The following CDH2 variants were observed in gnomAD, a reference collection of about 807,000 sequenced individuals.
CDH2 encodes cadherin-2.
In CDH2, 17 loss-of-function variants were observed where a neutral mutation model predicts 92.0. The ratio of observed to expected loss-of-function variants is 0.18; its 90% CI spans 0.13 to 0.28. The LOEUF (loss-of-function observed/expected upper bound fraction) is 0.28, where lower values mean the gene tolerates loss of function less well. CDH2 is among the 10% of genes least tolerant of loss of function. The probability of loss-of-function intolerance (pLI) is 1.00; values close to 1 mark genes in which losing one functional copy is unlikely to be tolerated. For synonymous variants in CDH2, 419 were observed against 415.9 expected (o/e 1.01, Z -0.09); for missense variants, 862 against 1,133.1 (o/e 0.76, Z 3.44).
intron 2 of CDH2, among the ~76,000 whole-genome samples, chr18:28,144,322 C>T (rs2016001346): frequency 6.6e-6 from 1 of 151,664 alleles, no homozygotes; most frequent in African/African-American, 2.4e-5. Context: ...AAAATTGATC[C>T]TAATTTATAA....
chr18:28,060,145 TAA>T (rs1396051306), intron 2 of CDH2, among the ~76,000 whole-genome samples: 3 of 151,644 alleles, frequency 2.0e-5, no homozygotes, highest in African/African-American at 7.3e-5. Flanking sequence ...ACTATTTCAA[TAA>T]GAGATGCAAA....
At chr18:27,963,611 A>G in intron 14 of CDH2, 90 bp from the exon 15 acceptor site, 1 of 1,146,708 alleles carries the variant, frequency 8.7e-7, no homozygotes. Flanking sequence ...CTCAGAACAC[A>G]TAGAAATGAG....
At chr18:28,164,023 T>C (rs1423840395) in intron 1 of CDH2, among the ~76,000 whole-genome samples, 1 of 152,222 alleles carries the variant, frequency 6.6e-6, no homozygotes, top group Non-Finnish European at 1.5e-5. Flanking sequence ...ATGTACTTTA[T>C]ATGCTTTAAT....
intron 1 of CDH2, among the ~76,000 whole-genome samples, chr18:28,164,681 T>C (rs146232323): frequency 1.0e-3 from 153 of 151,840 alleles, no homozygotes; most frequent in African/African-American, 3.6e-3. Flanking sequence ...CACACACACA[T>C]ACTCCCACAT....
intron 2 of CDH2, among the ~76,000 whole-genome samples, chr18:28,123,153 T>G (rs1209134793): frequency 6.6e-6 from 1 of 152,124 alleles, no homozygotes; most frequent in Non-Finnish European, 1.5e-5. Flanking sequence ...ATAAATATTT[T>G]TAAAGATAAA....
intron 1 of CDH2, 123 bp downstream of exon 1, chr18:28,176,840 C>G (rs1234871512): frequency 8.2e-6 from 3 of 365,448 alleles, no homozygotes; most frequent in Non-Finnish European, 1.1e-5. Context: ...CGCGGCGCGG[C>G]GCGGCGTGGC....
intron 2 of CDH2, among the ~76,000 whole-genome samples, chr18:28,110,271 C>A (rs1387178533): frequency 6.6e-6 from 1 of 152,216 alleles, no homozygotes; most frequent in Non-Finnish European, 1.5e-5. Flanking sequence ...CAGTGTCTCC[C>A]TACATGGGAC....
chr18:28,060,157 A>AATTGTGATGCTCAG (rs6146244), intron 2 of CDH2, among the ~76,000 whole-genome samples: 2 of 151,878 alleles, frequency 1.3e-5, no homozygotes, highest in Non-Finnish European at 2.9e-5. Context: ...AGAGATGCAA[A>AATTGTGATGCTCAG]TTTCTATAAT....
At chr18:28,119,840 T>C (rs1189507897) in intron 2 of CDH2, among the ~76,000 whole-genome samples, 67 of 152,154 alleles carry the variant, frequency 4.4e-4, no homozygotes, top group Admixed American at 4.2e-3. Flanking sequence ...TTCCAGGTCA[T>C]GCGTTTAAAA....
intron 2 of CDH2, among the ~76,000 whole-genome samples, chr18:28,050,616 G>A (rs76442281): frequency 0.015 from 2,296 of 152,252 alleles, 27 homozygotes; most frequent in Non-Finnish European, 0.025. Flanking sequence ...TTCAGAGTAA[G>A]ATTTTTTTCT....
intron 1 of CDH2, among the ~76,000 whole-genome samples, chr18:28,171,388 TAAA>T (rs1001567264): frequency 1.3e-5 from 2 of 151,868 alleles, no homozygotes; most frequent in African/African-American, 4.8e-5. Context: ...ATAAAACTAA[TAAA>T]AAAAATTTTC....
intron 2 of CDH2, among the ~76,000 whole-genome samples, chr18:28,103,988 T>G (rs2015280159): frequency 1.3e-5 from 2 of 152,156 alleles, no homozygotes; most frequent in African/African-American, 4.8e-5. Context: ...CAGGAGAAGT[T>G]GGGGCACCAC....
chr18:28,089,003 A>C (rs2014988163), intron 2 of CDH2, among the ~76,000 whole-genome samples: 1 of 152,206 alleles, frequency 6.6e-6, no homozygotes, highest in Non-Finnish European at 1.5e-5. Context: ...AGAGCTTTGG[A>C]AACAAAAGCC....
intron 1 of CDH2, among the ~76,000 whole-genome samples, chr18:28,160,608 G>A (rs542782521): frequency 3.3e-5 from 5 of 152,210 alleles, no homozygotes; most frequent in South Asian, 4.2e-4. Flanking sequence ...TGAGGCAGCC[G>A]TCTTTGGCCA....
chr18:27,964,918 G>C (rs978369551), intron 14 of CDH2, among the ~76,000 whole-genome samples: 2 of 152,144 alleles, frequency 1.3e-5, no homozygotes, highest in Admixed American at 6.5e-5. Context: ...AAACGAGCTT[G>C]AGCTTGGAGG....
intron 15 of CDH2, among the ~76,000 whole-genome samples, chr18:27,957,776 A>G (rs1158226161): frequency 6.6e-6 from 1 of 152,192 alleles, no homozygotes; most frequent in Non-Finnish European, 1.5e-5. Context: ...TAGATTTAAG[A>G]CATATGTGGA....
intron 7 of CDH2, 129 bp from the exon 8 acceptor site, chr18:27,993,766 A>C: frequency 1.4e-6 from 1 of 709,624 alleles, no homozygotes; most frequent in South Asian, 1.9e-5. Context: ...ACATGACTTG[A>C]AATTTCGCAA....
chr18:28,160,176 C>T (rs1378187998), intron 1 of CDH2, among the ~76,000 whole-genome samples: 2 of 151,284 alleles, frequency 1.3e-5, no homozygotes, highest in Non-Finnish European at 2.9e-5. Context: ...AAAAAAACAG[C>T]AGGACCTCAG....
At chr18:27,964,937 T>C (rs955777207) in intron 14 of CDH2, among the ~76,000 whole-genome samples, 12 of 152,102 alleles carry the variant, frequency 7.9e-5, no homozygotes, top group African/African-American at 2.7e-4. Flanking sequence ...GGGACAGGAA[T>C]GTGAGGAATG....
Sources: allele counts gnomAD v4.1 joint callset (sites outside exome capture counted in the v4.1 genomes callset), GRCh38; gene constraint gnomAD v4.1.1; transcripts MANE v1.5; gene names NCBI Gene and HGNC (gene_info 2026-07-23, HGNC 2026-07-21).